Variants in TMPRSS15 observed in about 807,000 individuals in gnomAD.
TMPRSS15 encodes enteropeptidase.
In TMPRSS15, 128 loss-of-function variants were observed where a neutral mutation model predicts 125.3. The observed-to-expected ratio is 1.02, with a 90% CI of 0.89 to 1.18. TMPRSS15 has a LOEUF of 1.18. Ranked by LOEUF, TMPRSS15 falls within the 50% of genes most tolerant of loss-of-function variation. TMPRSS15 has a pLI of 0.00. For missense variants in TMPRSS15, 1,283 were observed against 1,212.7 expected, an observed-to-expected ratio of 1.06 and a Z score of -0.86; for synonymous variants, 446 against 423.2, an observed-to-expected ratio of 1.05 and a Z score of -0.66.
In TMPRSS15 at chr21:18,341,450, T is replaced by C; in HGVS notation, c.1527A>G (p.Glu509=). Residue 509 remains glutamate (E), a synonymous_variant, in exon 13 of 25, where the codon GAA becomes GAG. Coordinates refer to ENST00000284885, the MANE Select transcript of TMPRSS15 (RefSeq NM_002772.3). Reference sequence around the variant, plus strand: ...GTGGAGGAGTTGGCACCAAAGTTGGTTCTGGATAAAGACTCCCATTGCAAA... The same window carrying C: ...GTGGAGGAGTTGGCACCAAAGTTGGCTCTGGATAAAGACTCCCATTGCAAA... ...YGICNGSLYP[E]PTLVPTPPPE... 2 of 1,614,178 alleles carry C rather than the reference T, an allele frequency of 1.2e-6. No homozygotes were observed. Among genetic ancestry groups the C allele is most frequent in the East Asian group, 2.2e-5 (1 of 44,884 alleles).
At position 18,435,531 on chromosome 21, in the gene TMPRSS15, T is replaced by G. The variant is rs541468962; in HGVS notation, c.11-37202A>C. ...TTTGATGTGCTGCTAGATTCGGTTT[T>G]CCAGTATTTTATTGAGGATTTTTGC... is the stretch of plus-strand genomic sequence containing the variant. On this transcript the variant is annotated intron_variant, in intron 1 of 7. Transcript: ENST00000422787. 6.4e-3 allele frequency among the ~76,000 whole-genome samples: 967 copies of G among 152,248 alleles called. 10 individuals are homozygous for G. Among genetic ancestry groups the G allele is most frequent in the African/African-American group, 0.022 (927 of 41,542 alleles).
At chr21:18,467,212 G>A (rs1978682842) in intron 1 of TMPRSS15, among the ~76,000 whole-genome samples, 3 of 152,006 alleles carry the variant, frequency 2.0e-5, no homozygotes, top group Non-Finnish European at 4.4e-5. Flanking sequence ...TGAACAATAA[G>A]AACACTTGGA....
intron 16 of TMPRSS15, among the ~76,000 whole-genome samples, chr21:18,321,280 C>T (rs1241285543): frequency 6.6e-6 from 1 of 151,622 alleles, no homozygotes; most frequent in Non-Finnish European, 1.5e-5. Context: ...TAAATTTCAA[C>T]TGGATGCTTG....
intron 14 of TMPRSS15, among the ~76,000 whole-genome samples, 186 bp from the exon 15 acceptor site, chr21:18,329,480 G>A (rs1271758332): frequency 1.3e-5 from 2 of 149,388 alleles, no homozygotes; most frequent in African/African-American, 4.9e-5. Context: ...AAATATATTG[G>A]TTTAGTCAAT....
At chr21:18,404,361 G>A (rs79337136), upstream of TMPRSS15, among the ~76,000 whole-genome samples, 1 of 152,292 alleles carries the variant, frequency 6.6e-6, no homozygotes, top group African/African-American at 2.4e-5. Flanking sequence ...CCTGTCATAA[G>A]AGGAATAAAA....
At chr21:18,395,933 T>C (rs2076030271) in intron 3 of TMPRSS15, among the ~76,000 whole-genome samples, 2 of 152,192 alleles carry the variant, frequency 1.3e-5, no homozygotes, top group Admixed American at 6.5e-5. Flanking sequence ...CCTCTGCTAT[T>C]GAGCTTGTAC....
At chr21:18,313,178 G>A in intron 17 of TMPRSS15, 101 bp from the exon 18 acceptor site, 1 of 810,274 alleles carries the variant, frequency 1.2e-6, no homozygotes, top group South Asian at 1.4e-5. Context: ...TAGACAGGAG[G>A]AATAAGTTCA....
chr21:18,360,315 T>G (rs1382988325), intron 7 of TMPRSS15, among the ~76,000 whole-genome samples: 2 of 152,158 alleles, frequency 1.3e-5, no homozygotes, highest in African/African-American at 2.4e-5. Context: ...ATATCACATT[T>G]CCTTTGTTCA....
chr21:18,437,809 T>C (rs2049611706), intron 1 of TMPRSS15, among the ~76,000 whole-genome samples: 1 of 152,098 alleles, frequency 6.6e-6, no homozygotes, highest in Non-Finnish European at 1.5e-5. Flanking sequence ...TGGCAATCAC[T>C]AAAAAGTCAG....
chr21:18,459,161 A>C (rs540020927), intron 1 of TMPRSS15, among the ~76,000 whole-genome samples: 1 of 152,294 alleles, frequency 6.6e-6, no homozygotes, highest in South Asian at 2.1e-4. Flanking sequence ...TGGTTGCAAT[A>C]AATTTTCCCC....
At chr21:18,271,345 T>C (rs1051479207) in intron 24 of TMPRSS15, among the ~76,000 whole-genome samples, 1 of 152,218 alleles carries the variant, frequency 6.6e-6, no homozygotes, top group Non-Finnish European at 1.5e-5. Flanking sequence ...AAGGAGTAAC[T>C]TGTTTTTTTA....
At chr21:18,355,418 T>C (rs911700280) in intron 8 of TMPRSS15, among the ~76,000 whole-genome samples, 1 of 151,898 alleles carries the variant, frequency 6.6e-6, no homozygotes, top group African/African-American at 2.4e-5. Flanking sequence ...TCCATTAACC[T>C]GCTTCAGAGA....
chr21:18,474,331 C>A (rs1191211388), intron 1 of TMPRSS15, among the ~76,000 whole-genome samples: 1 of 151,250 alleles, frequency 6.6e-6, no homozygotes. Context: ...ACTCTTATTG[C>A]CCAGGCTGGA....
intron 2 of TMPRSS15, 65 bp from the exon 3 acceptor site, chr21:18,398,011 T>G (rs1026042108): frequency 2.3e-6 from 3 of 1,283,690 alleles, no homozygotes; most frequent in Non-Finnish European, 3.3e-6. Context: ...GTTGAAAAAT[T>G]TATACAAAGC....
intron 14 of TMPRSS15, among the ~76,000 whole-genome samples, chr21:18,330,225 CT>C (rs2075331137): frequency 5.3e-5 from 8 of 152,164 alleles, no homozygotes; most frequent in Admixed American, 5.2e-4. Context: ...CCATTTACTT[CT>C]CAACGTCCCT....
intron 23 of TMPRSS15, among the ~76,000 whole-genome samples, chr21:18,277,437 G>A (rs1450166598): frequency 1.3e-5 from 2 of 152,286 alleles, no homozygotes; most frequent in Non-Finnish European, 2.9e-5. Flanking sequence ...AGTCTGAAAA[G>A]AGAAAATATC....
chr21:18,286,009 A>G (rs566633763), intron 21 of TMPRSS15, among the ~76,000 whole-genome samples: 2 of 152,336 alleles, frequency 1.3e-5, no homozygotes, highest in African/African-American at 4.8e-5. Context: ...TAAGTGTAAG[A>G]AACAGAAGTA....
At chr21:18,300,927 AC>A (rs2074965246) in intron 18 of TMPRSS15, among the ~76,000 whole-genome samples, 1 of 152,110 alleles carries the variant, frequency 6.6e-6, no homozygotes, top group South Asian at 2.1e-4. Context: ...TGGCACTTTC[AC>A]TATCCAGCAG....
At chr21:18,468,561 CTTTT>C (rs999308014) in intron 1 of TMPRSS15, among the ~76,000 whole-genome samples, 9 of 151,936 alleles carry the variant, frequency 5.9e-5, no homozygotes, top group Admixed American at 1.3e-4. Flanking sequence ...AAAGTTTTGC[CTTTT>C]TTTATTTGCT....
Sources: gnomAD v4.1 joint callset for allele counts (sites outside exome capture counted in the v4.1 genomes callset) on GRCh38, gnomAD v4.1.1 for gene constraint, MANE v1.5 for transcripts, NCBI Gene and HGNC (gene_info 2026-07-23, HGNC 2026-07-21) for gene names.